ODAM: variants seen among roughly 807,000 people sequenced by gnomAD.
ODAM encodes odontogenic ameloblast-associated protein.
A neutral mutation model predicts 48.5 loss-of-function variants in ODAM; 55 were observed. The observed-to-expected ratio is 1.13, with a 90% CI of 0.91 to 1.42. The LOEUF is 1.42. Ranked by LOEUF, ODAM falls within the 40% of genes most tolerant of loss-of-function variation. The probability of loss-of-function intolerance (pLI) is 0.00; values close to 1 mark genes in which losing one functional copy is unlikely to be tolerated. For missense variants in ODAM, 353 were observed against 323.6 expected, an observed-to-expected ratio of 1.09 and a Z score of -0.70; for synonymous variants, 127 against 107.8, an observed-to-expected ratio of 1.18 and a Z score of -1.10.
chr4:70,197,814 A>G (rs753841147), intron 4 of ODAM, 110 bp from the exon 5 acceptor site: 1 of 777,504 alleles, frequency 1.3e-6, no homozygotes, highest in South Asian at 1.8e-5. Flanking sequence ...ATGTTGCAAC[A>G]TTGGAACTAT....
intron 8 of ODAM, among the ~76,000 whole-genome samples, chr4:70,202,051 T>C (rs756407005): frequency 9.2e-5 from 14 of 151,956 alleles, no homozygotes; most frequent in Non-Finnish European, 1.5e-4. Context: ...TAGTAGAGAA[T>C]GTTAGAAAGT....
chr4:70,198,777 G>A (rs779615096), intron 6 of ODAM, 151 bp downstream of exon 6: 1 of 697,130 alleles, frequency 1.4e-6, no homozygotes. Context: ...GCTAGTATCA[G>A]TTTGTTGATG....
In ODAM at chr4:70,200,532, C is replaced by A. The variant is rs553196157; in HGVS notation, c.459C>A (p.Pro153=). 5 of 1,611,042 alleles carry A rather than the reference C, an allele frequency of 3.1e-6. No individual in the cohort carries two copies. In the African/African-American group the frequency reaches 6.7e-5, roughly 22 times the overall value. ...FQYYPVYMVL[P]WEQPQQTVPR... is the part of the protein sequence containing the mutation. ...ACTATCCAGTTTACATGGTCCTACC[C>A]TGGGAACAACCTCAGCAAACAGTTC... The change falls in exon 7 of 12, where the codon CCC becomes CCA. Residue 153 remains proline, a synonymous_variant. Coordinates refer to ENST00000683306, the MANE Select transcript of ODAM (RefSeq NM_017855.4).
At chr4:70,197,479 A>T (rs1365507843) in intron 4 of ODAM, among the ~76,000 whole-genome samples, 158 bp downstream of exon 4, 1 of 152,050 alleles carries the variant, frequency 6.6e-6, no homozygotes, top group Non-Finnish European at 1.5e-5. Flanking sequence ...ATTTGCTTGA[A>T]GATTAAAGTA....
Position 70,204,565 on chromosome 4 carries a change from A to G in ODAM, c.*420A>G, listed in dbSNP as rs1433373593. The stretch of plus-strand genomic sequence containing the variant: ...TTGGAACTGATGAAGTAAAATAAGT[A>G]TCTAGATTTGACATGTCATCTCTTC... On this transcript the variant is annotated 3_prime_UTR_variant, in exon 12 of 12. Transcript: ENST00000683306. 6.6e-6 allele frequency: 1 copy of G among 151,968 alleles called. No homozygotes were observed. The highest frequency in any genetic ancestry group is 2.4e-5 in the African/African-American group (1 of 41,412). 9.4% of individuals were successfully genotyped at this position (151,968 alleles called of 1,614,324 possible). A position where few individuals can be genotyped will look rare whatever the true frequency, so the allele number is the denominator to read the frequency against.
intron 7 of ODAM, among the ~76,000 whole-genome samples, chr4:70,200,993 T>A (rs908301707): frequency 2.0e-5 from 3 of 152,006 alleles, no homozygotes; most frequent in African/African-American, 7.2e-5. Context: ...AAGATATATC[T>A]GATCACTGGA....
At chr4:70,201,364 A>G (rs746756719) in intron 7 of ODAM, 90 bp from the exon 8 acceptor site, 15 of 617,074 alleles carry the variant, frequency 2.4e-5, no homozygotes, top group Admixed American at 6.9e-5. Context: ...CTTATATAAA[A>G]AGATATATAA....
chr4:70,198,542 CA>C, intron 5 of ODAM, 36 bp from the exon 6 acceptor site: 1 of 1,490,588 alleles, frequency 6.7e-7, no homozygotes, highest in Non-Finnish European at 9.2e-7. Flanking sequence ...ATAACAAAGT[CA>C]AGCATACATT....
chr4:70,197,452 CAT>C, intron 4 of ODAM, 131 bp downstream of exon 4: 1 of 694,240 alleles, frequency 1.4e-6, no homozygotes, highest in Non-Finnish European at 2.6e-6. Flanking sequence ...GAATTTGTCT[CAT>C]ATGTTCTAGT....
intron 6 of ODAM, among the ~76,000 whole-genome samples, chr4:70,199,808 A>G (rs942443207): frequency 2.0e-4 from 30 of 152,022 alleles, no homozygotes; most frequent in Non-Finnish European, 2.8e-4. Flanking sequence ...CATGTCTAAT[A>G]CAATCTCTTA....
rs180873603 is a variant in ODAM, at chr4:70,198,111, C to A, written c.329C>A (p.Pro110His). The A allele has an allele frequency of 4.8e-5, 78 of 1,613,204 alleles. No individual in the cohort carries two copies. The Middle Eastern group carries it at 9.9e-4, about 21-fold the overall frequency. ...GGAGCCCAGGCAGGCCAAGTTGATC[C>A]CTTACAGCTTCAAACACCGCCTCAG... ...AQGAQAGQVD[P>H]LQLQTPPQTQ... The change falls in exon 5 of 12, where the codon CCC becomes CAC. Residue 110 changes from proline to histidine, a missense_variant. Pro to His is a moderately conservative substitution (Grantham distance 77). Transcript: ENST00000683306.
chr4:70,198,150 C>T lies in ODAM; in HGVS notation c.368C>T (p.Pro123Leu), dbSNP rs371671692. The change falls in exon 5 of 12, where the codon CCC (proline) becomes CTC (leucine). Residue 123 changes from proline to leucine, a missense_variant. Physicochemically the swap from Pro to Leu is moderately conservative, Grantham distance 98 (BLOSUM62 -3). Transcript: ENST00000683306. ...LQTPPQTQPG[P>L]SHVMPYVFSF... is the part of the protein sequence containing the mutation. ...ACACCGCCTCAGACACAACCAGGCC[C>T]CAGTCACGTAAGTCAGGCCTCTTTC... The T allele has an allele frequency of 4.2e-5, 68 of 1,612,458 alleles. No individual in the cohort carries two copies. The highest frequency in any genetic ancestry group is 5.8e-5 in the Non-Finnish European group (68 of 1,179,270).
intron 11 of ODAM, 93 bp from the exon 12 acceptor site, chr4:70,204,082 C>T (rs1242381206): frequency 6.6e-6 from 1 of 151,662 alleles, no homozygotes; most frequent in Admixed American, 6.6e-5. Flanking sequence ...GAAAAGCTTT[C>T]TATTTCTTTA....
intron 8 of ODAM, 24 bp downstream of exon 8, chr4:70,201,525 T>C: frequency 1.6e-6 from 2 of 1,287,782 alleles, no homozygotes; most frequent in African/African-American, 1.5e-5. Flanking sequence ...TATTTTTCAT[T>C]AAAAATATTT....
At chr4:70,198,225 G>T in intron 5 of ODAM, 68 bp downstream of exon 5, 1 of 1,322,418 alleles carries the variant, frequency 7.6e-7, no homozygotes, top group South Asian at 1.3e-5. Flanking sequence ...CAATGAATAT[G>T]AATCAGCTTT....
intron 7 of ODAM, among the ~76,000 whole-genome samples, chr4:70,201,128 C>CT (rs1283798279): frequency 2.6e-5 from 4 of 151,374 alleles, no homozygotes; most frequent in South Asian, 2.1e-4. Flanking sequence ...ATGAAAATGT[C>CT]TTTTTTTTAG....
chr4:70,198,279 G>A, intron 5 of ODAM, 122 bp downstream of exon 5: 3 of 796,668 alleles, frequency 3.8e-6, no homozygotes, highest in South Asian at 1.9e-5. Context: ...CTCATTATAT[G>A]TTTCTACCAT....
chr4:70,198,186 G>A, intron 5 of ODAM, 29 bp downstream of exon 5: 1 of 1,566,310 alleles, frequency 6.4e-7, no homozygotes, highest in East Asian at 2.2e-5. Context: ...ATTTTGTTCT[G>A]AGGAGAGAGA....
intron 10 of ODAM, 94 bp downstream of exon 10, chr4:70,203,011 T>G: frequency 4.3e-6 from 6 of 1,381,140 alleles, no homozygotes; most frequent in Non-Finnish European, 6.0e-6. Context: ...GACTTAGTCA[T>G]GAAATTAAGA....
Sources: allele counts gnomAD v4.1 joint callset (sites outside exome capture counted in the v4.1 genomes callset), GRCh38; gene constraint gnomAD v4.1.1; transcripts MANE v1.5; gene names NCBI Gene and HGNC (gene_info 2026-07-23, HGNC 2026-07-21).